The following NELL2 variants were observed in gnomAD, a reference collection of about 807,000 sequenced individuals.
The protein encoded by NELL2 is protein kinase C-binding protein NELL2.
NELL2 carries 41 observed loss-of-function variants against 109.6 expected under a neutral mutation model. That is an observed-to-expected ratio of 0.37 (90% CI 0.29 to 0.49). The LOEUF (loss-of-function observed/expected upper bound fraction) is 0.49, where lower values mean the gene tolerates loss of function less well. Ranked by LOEUF, NELL2 falls within the 20% of genes least tolerant of loss-of-function variation. The pLI is 0.98. For synonymous variants in NELL2, 355 were observed against 344.7 expected (o/e 1.03, Z -0.33); for missense variants, 900 against 1,008.3 (o/e 0.89, Z 1.45).
chr12:44,749,030 C>G (rs1940524397), intron 9 of NELL2, among the ~76,000 whole-genome samples: 1 of 152,108 alleles, frequency 6.6e-6, no homozygotes, highest in African/African-American at 2.4e-5. Flanking sequence ...GCCACATTAG[C>G]CTTGCACGAT....
At chr12:44,513,367 A>G (rs1333331486) in intron 19 of NELL2, among the ~76,000 whole-genome samples, 7 of 152,090 alleles carry the variant, frequency 4.6e-5, no homozygotes, top group Admixed American at 2.6e-4. Context: ...ATCATATCCA[A>G]TATATTATAA....
At chr12:44,866,900 T>C (rs1945017233) in intron 2 of NELL2, among the ~76,000 whole-genome samples, 1 of 152,072 alleles carries the variant, frequency 6.6e-6, no homozygotes, top group African/African-American at 2.4e-5. Context: ...TGTCTAGGAA[T>C]GTATTCATTC....
intron 19 of NELL2, among the ~76,000 whole-genome samples, chr12:44,514,464 TA>T (rs1941157343): frequency 6.6e-6 from 1 of 151,582 alleles, no homozygotes; most frequent in African/African-American, 2.4e-5. Context: ...CAGAGAGAGA[TA>T]GAGAGAGAGA....
chr12:44,535,661 T>C (rs964718246), intron 15 of NELL2, among the ~76,000 whole-genome samples: 11 of 151,998 alleles, frequency 7.2e-5, no homozygotes, highest in Non-Finnish European at 1.2e-4. Flanking sequence ...AATGGCTACA[T>C]ATTTATTTTT....
At chr12:44,530,722 G>A (rs1366077837) in intron 16 of NELL2, among the ~76,000 whole-genome samples, 2 of 152,140 alleles carry the variant, frequency 1.3e-5, no homozygotes, top group Non-Finnish European at 2.9e-5. Flanking sequence ...TTAAGGAAAT[G>A]AGATCTGCCA....
At chr12:44,690,127 C>T (rs74326778) in intron 12 of NELL2, among the ~76,000 whole-genome samples, 2 of 152,260 alleles carry the variant, frequency 1.3e-5, no homozygotes, top group African/African-American at 4.8e-5. Context: ...CTGACCTACT[C>T]AAGCAATATT....
At chr12:44,803,270 G>A (rs1260436505) in intron 3 of NELL2, among the ~76,000 whole-genome samples, 1 of 151,992 alleles carries the variant, frequency 6.6e-6, no homozygotes, top group Non-Finnish European at 1.5e-5. Context: ...TGCAACATGT[G>A]TTCTTGGCTA....
intron 9 of NELL2, among the ~76,000 whole-genome samples, chr12:44,747,634 C>G (rs1249917358): frequency 6.6e-6 from 1 of 152,002 alleles, no homozygotes; most frequent in Non-Finnish European, 1.5e-5. Flanking sequence ...TCCCTGACCT[C>G]CACACTGTTT....
intron 3 of NELL2, among the ~76,000 whole-genome samples, chr12:44,813,171 G>A (rs954868058): frequency 1.3e-5 from 2 of 152,124 alleles, no homozygotes; most frequent in African/African-American, 4.8e-5. Flanking sequence ...AATATATGCT[G>A]TCCATCTCCA....
At chr12:44,554,772 C>G (rs1386962601) in intron 15 of NELL2, among the ~76,000 whole-genome samples, 1 of 152,164 alleles carries the variant, frequency 6.6e-6, no homozygotes, top group Non-Finnish European at 1.5e-5. Context: ...AGGTAACAAA[C>G]TGTCCTTCCC....
intron 13 of NELL2, among the ~76,000 whole-genome samples, chr12:44,639,624 A>G (rs1157575682): frequency 6.6e-6 from 1 of 151,984 alleles, no homozygotes; most frequent in Non-Finnish European, 1.5e-5. Context: ...AGTCCACTTT[A>G]TTTTTCCATT....
chr12:44,784,781 CAT>C (rs1942100220), intron 3 of NELL2, among the ~76,000 whole-genome samples: 1 of 152,090 alleles, frequency 6.6e-6, no homozygotes, highest in Non-Finnish European at 1.5e-5. Context: ...GACAAAAAAA[CAT>C]ATGATTATCT....
At chr12:44,567,231 C>T (rs775241063) in intron 15 of NELL2, among the ~76,000 whole-genome samples, 3 of 152,146 alleles carry the variant, frequency 2.0e-5, no homozygotes, top group African/African-American at 4.8e-5. Flanking sequence ...AATGTAACTC[C>T]ATCCTCATTT....
At chr12:44,748,569 T>C (rs1940502745) in intron 9 of NELL2, among the ~76,000 whole-genome samples, 1 of 152,160 alleles carries the variant, frequency 6.6e-6, no homozygotes, top group Non-Finnish European at 1.5e-5. Context: ...ATGATCACTA[T>C]ACCTATAATG....
chr12:44,704,088 A>C (rs1937714428), intron 11 of NELL2, among the ~76,000 whole-genome samples: 1 of 152,082 alleles, frequency 6.6e-6, no homozygotes, highest in South Asian at 2.1e-4. Flanking sequence ...GTGGTTTTTG[A>C]CTTTATAAAT....
chr12:44,917,947 TG>T (rs1945841038), upstream of NELL2, among the ~76,000 whole-genome samples: 2 of 152,248 alleles, frequency 1.3e-5, no homozygotes. Context: ...TGCCATCAAC[TG>T]GTAATTTGGT....
chr12:44,631,467 A>G (rs957478902), intron 13 of NELL2, among the ~76,000 whole-genome samples: 6 of 152,006 alleles, frequency 3.9e-5, no homozygotes, highest in African/African-American at 1.4e-4. Flanking sequence ...ATAGAAATTT[A>G]TACATTTATA....
intron 2 of NELL2, among the ~76,000 whole-genome samples, chr12:44,874,639 C>G (rs1945261764): frequency 6.6e-6 from 1 of 152,116 alleles, no homozygotes; most frequent in Non-Finnish European, 1.5e-5. Flanking sequence ...GAAATCTTTC[C>G]AAAATACTTT....
intron 13 of NELL2, among the ~76,000 whole-genome samples, chr12:44,664,837 T>TTTTGC (rs1400644730): frequency 6.6e-6 from 1 of 151,820 alleles, no homozygotes; most frequent in Non-Finnish European, 1.5e-5. Flanking sequence ...TCATGTTTTG[T>TTTTGC]TTTGTTTTGT....
Sources: gnomAD v4.1 joint callset for allele counts (sites outside exome capture counted in the v4.1 genomes callset) on GRCh38, gnomAD v4.1.1 for gene constraint, MANE v1.5 for transcripts, NCBI Gene and HGNC (gene_info 2026-07-23, HGNC 2026-07-21) for gene names.